Variants in MSL2 observed in about 807,000 individuals in gnomAD.
MSL2 encodes the protein E3 ubiquitin-protein ligase MSL2.
In MSL2, 2 loss-of-function variants were observed where a neutral mutation model predicts 35.8. The observed-to-expected ratio is 0.06, with a 90% confidence interval of 0.02 to 0.18. MSL2 has a LOEUF of 0.18. Among genes scored for constraint, MSL2 ranks in the 10% least tolerant of loss-of-function variants. The probability of loss-of-function intolerance (pLI) is 1.00; values close to 1 mark genes in which losing one functional copy is unlikely to be tolerated. For synonymous variants in MSL2, 296 were observed against 255.7 expected (o/e 1.16, Z -1.50); for missense variants, 523 against 706.7 (o/e 0.74, Z 2.95).
intron 1 of MSL2, among the ~76,000 whole-genome samples, chr3:136,167,203 G>A (rs1035301875): frequency 6.6e-6 from 1 of 151,908 alleles, no homozygotes; most frequent in African/African-American, 2.4e-5. Flanking sequence ...AATGTAACAT[G>A]GACAAATTAA....
At chr3:136,156,162 A>C (rs1294706479) in intron 1 of MSL2, among the ~76,000 whole-genome samples, 1 of 152,230 alleles carries the variant, frequency 6.6e-6, no homozygotes, top group Non-Finnish European at 1.5e-5. Flanking sequence ...ATGTTCTTTT[A>C]AACAACTGAA....
intron 1 of MSL2, among the ~76,000 whole-genome samples, chr3:136,156,468 A>T (rs1418271449): frequency 6.6e-6 from 1 of 152,240 alleles, no homozygotes; most frequent in African/African-American, 2.4e-5. Context: ...AGAAAGCTAT[A>T]TAAGACAAGG....
intron 1 of MSL2, among the ~76,000 whole-genome samples, chr3:136,176,503 G>A (rs1236667717): frequency 2.2e-5 from 3 of 134,998 alleles, no homozygotes; most frequent in South Asian, 2.5e-4. Context: ...CAACCAGAAT[G>A]AGACCCTCTC....
At chr3:136,162,220 G>A (rs1486915326) in intron 1 of MSL2, among the ~76,000 whole-genome samples, 1 of 150,296 alleles carries the variant, frequency 6.7e-6, no homozygotes, top group African/African-American at 2.4e-5. Context: ...ACAGGCATGA[G>A]CCACAACACC....
chr3:136,155,359 C>A (rs776218411), intron 1 of MSL2, among the ~76,000 whole-genome samples: 3 of 152,012 alleles, frequency 2.0e-5, no homozygotes, highest in Non-Finnish European at 4.4e-5. Flanking sequence ...ACAAAATTAG[C>A]TGGGCATGGT....
At chr3:136,161,776 T>TTA (rs1939712728) in intron 1 of MSL2, among the ~76,000 whole-genome samples, 3 of 152,148 alleles carry the variant, frequency 2.0e-5, no homozygotes, top group Admixed American at 1.3e-4. Flanking sequence ...GTGGTGATGG[T>TTA]TACACAACTC....
Position 136,195,751 on chromosome 3 carries a change from T to G in MSL2, c.-638A>C. On this transcript the variant is annotated 5_prime_UTR_variant, in exon 1 of 2. Coordinates refer to ENST00000309993, the MANE Select transcript of MSL2 (RefSeq NM_018133.4). ...CGGACGCGGGGCCCAGACTGCGCCC[T>G]GGCTCTCCGCCCCGTGGGTTGCAGC... The G allele has an allele frequency of 1.0e-6, 1 of 984,324 alleles. No individual in the cohort carries two copies. The highest frequency in any genetic ancestry group is 1.2e-6 in the Non-Finnish European group (1 of 829,708). 61.0% of individuals were successfully genotyped at this position (984,324 alleles called of 1,614,324 possible). A position where few individuals can be genotyped will look rare whatever the true frequency, so the allele number is the denominator to read the frequency against.
chr3:136,153,775 G>A (rs1939441384), intron 1 of MSL2, among the ~76,000 whole-genome samples: 1 of 138,234 alleles, frequency 7.2e-6, no homozygotes, highest in South Asian at 2.3e-4. Context: ...AAGCAATAGA[G>A]CGAGACTTAG....
Position 136,151,012 on chromosome 3 carries a change from A to AT in MSL2, c.*134dup, listed in dbSNP as rs1397962161. 2.1e-6 allele frequency: 2 copies of AT among 955,714 alleles called. No individual in the cohort carries two copies. The highest frequency in any genetic ancestry group is 3.3e-5 in the African/African-American group (2 of 61,006). 59.2% of individuals were successfully genotyped at this position (955,714 alleles called of 1,614,324 possible). A position where few individuals can be genotyped will look rare whatever the true frequency, so the allele number is the denominator to read the frequency against. On this transcript the variant is annotated 3_prime_UTR_variant, in exon 2 of 2. Coordinates refer to ENST00000309993, the MANE Select transcript of MSL2 (RefSeq NM_018133.4). The surrounding 1 kb of genome is among the most constrained non-coding windows in gnomAD (Gnocchi z 5.2). Reference sequence around the variant, plus strand: ...AACTATTTCCCCGACACTAACACATATAACTTAGCAATGAAAACACTTGAT... The same window carrying AT: ...AACTATTTCCCCGACACTAACACATATTAACTTAGCAATGAAAACACTTGAT...
At chr3:136,185,869 A>T (rs1405616987) in intron 1 of MSL2, among the ~76,000 whole-genome samples, 2 of 152,062 alleles carry the variant, frequency 1.3e-5, no homozygotes, top group Non-Finnish European at 2.9e-5. Flanking sequence ...ATTTTATCAA[A>T]GGCTTTCTGA....
chr3:136,165,699 TCTTCTGTTCTTTATTTCA>T, intron 1 of MSL2, among the ~76,000 whole-genome samples: 1 of 152,292 alleles, frequency 6.6e-6, no homozygotes, highest in East Asian at 1.9e-4. Flanking sequence ...CACCTACTCA[TCTTCTGTTCTTTATTTCA>T]AAAAGCAAAT....
At chr3:136,182,239 T>C (rs962491512) in intron 1 of MSL2, among the ~76,000 whole-genome samples, 2 of 152,208 alleles carry the variant, frequency 1.3e-5, no homozygotes, top group African/African-American at 4.8e-5. Context: ...GGATTTTAAA[T>C]TGTATTTACT....
rs1940811533 is a variant in MSL2, at chr3:136,195,489, G to A, written c.-376C>T. On this transcript the variant is annotated 5_prime_UTR_variant, in exon 1 of 2. Transcript: ENST00000309993. ...CTCGAGCTCCATCTCCGGACACGGA[G>A]GCGCCTCCTCAAGTCGAGCTGGCAG... The A allele has an allele frequency of 6.9e-6, 7 of 1,016,988 alleles. No homozygotes were observed. The highest frequency in any genetic ancestry group is 8.2e-6 in the Non-Finnish European group (7 of 850,280). The allele number at this position is 1,016,988 out of a possible 1,614,324, so 63.0% of individuals were successfully genotyped here. A position where few individuals can be genotyped will look rare whatever the true frequency, so the allele number is the denominator to read the frequency against.
intron 1 of MSL2, among the ~76,000 whole-genome samples, chr3:136,167,529 G>A (rs1939884621): frequency 6.6e-6 from 1 of 152,036 alleles, no homozygotes; most frequent in Non-Finnish European, 1.5e-5. Context: ...TTACAGCAAG[G>A]ACTAACTAAT....
At chr3:136,194,109 G>A (rs1230448918) in intron 1 of MSL2, among the ~76,000 whole-genome samples, 1 of 152,196 alleles carries the variant, frequency 6.6e-6, no homozygotes, top group South Asian at 2.1e-4. Context: ...AATATTAAGT[G>A]GAGCATGCAT....
chr3:136,165,426 T>C (rs778584835), intron 1 of MSL2, among the ~76,000 whole-genome samples: 3 of 152,172 alleles, frequency 2.0e-5, no homozygotes, highest in Non-Finnish European at 4.4e-5. Flanking sequence ...CTCTCCCTCT[T>C]CTTAACTGCT....
chr3:136,166,062 T>TA (rs34420183), intron 1 of MSL2, among the ~76,000 whole-genome samples: 1,230 of 80,072 alleles, frequency 0.015, 8 homozygotes, highest in South Asian at 0.024. Flanking sequence ...TACGTACCAG[T>TA]AAAAAAAAAA....
intron 1 of MSL2, among the ~76,000 whole-genome samples, chr3:136,168,498 A>G (rs1265548472): frequency 2.0e-5 from 3 of 152,196 alleles, no homozygotes; most frequent in African/African-American, 7.2e-5. Flanking sequence ...ATTCTCAGCA[A>G]ACTAACACAA....
intron 1 of MSL2, among the ~76,000 whole-genome samples, chr3:136,169,206 CTTGT>C (rs917350952): frequency 8.0e-5 from 7 of 87,756 alleles, no homozygotes; most frequent in Non-Finnish European, 1.5e-4. Context: ...GGGGGCATGG[CTTGT>C]TTTTGTTGTT....
Sources: gnomAD v4.1 joint callset for allele counts (sites outside exome capture counted in the v4.1 genomes callset) on GRCh38, gnomAD v4.1.1 for gene constraint, Gnocchi (gnomAD v3.1) non-coding constraint, MANE v1.5 for transcripts, NCBI Gene and HGNC (gene_info 2026-07-23, HGNC 2026-07-21) for gene names.